ARPIN: variants seen among roughly 807,000 people sequenced by gnomAD.
The protein encoded by ARPIN is UPF0552 protein C15orf38.
ARPIN carries 23 observed loss-of-function variants against 25.9 expected under a neutral mutation model. That is an observed-to-expected ratio of 0.89 (90% CI 0.64 to 1.26). The LOEUF is 1.26. Among genes scored for constraint, ARPIN ranks in the 50% most tolerant of loss-of-function variants. The pLI is 0.00. For synonymous variants in ARPIN, 126 were observed against 131.4 expected, an observed-to-expected ratio of 0.96 and a Z score of 0.28; for missense variants, 333 against 312.2, an observed-to-expected ratio of 1.07 and a Z score of -0.50.
chr15:89,911,567 T>C (rs1897224584), intron 1 of ARPIN, among the ~76,000 whole-genome samples: 1 of 152,066 alleles, frequency 6.6e-6, no homozygotes, highest in Non-Finnish European at 1.5e-5. Context: ...ACCTAGCTGG[T>C]CTCTATCCAA....
At chr15:89,910,494 C>A (rs528041856) in intron 2 of ARPIN, among the ~76,000 whole-genome samples, 1 of 152,264 alleles carries the variant, frequency 6.6e-6, no homozygotes. Flanking sequence ...CCTTCTCAGC[C>A]ATGACCCAGG....
At chr15:89,905,851 G>A (rs1483171127) in intron 3 of ARPIN, among the ~76,000 whole-genome samples, 1 of 151,966 alleles carries the variant, frequency 6.6e-6, no homozygotes, top group East Asian at 1.9e-4. Context: ...TCGATGTGCT[G>A]CAGCCCAGTT....
intron 3 of ARPIN, among the ~76,000 whole-genome samples, chr15:89,905,774 CA>C (rs2141922345): frequency 6.6e-6 from 1 of 152,056 alleles, no homozygotes; most frequent in East Asian, 1.9e-4. Context: ...TTTCCCAAGA[CA>C]ACCTCCTGGG....
chr15:89,907,908 G>A (rs1345581990), intron 3 of ARPIN, among the ~76,000 whole-genome samples: 3 of 152,218 alleles, frequency 2.0e-5, no homozygotes, highest in South Asian at 4.1e-4. Context: ...TATATAGCAC[G>A]CACGGACTGA....
chr15:89,908,444 G>T, intron 2 of ARPIN, 32 bp from the exon 3 acceptor site: 1 of 1,612,018 alleles, frequency 6.2e-7, no homozygotes, highest in Non-Finnish European at 8.5e-7. Flanking sequence ...GTGAGGGGGC[G>T]GCTTCATCCC....
intron 3 of ARPIN, among the ~76,000 whole-genome samples, chr15:89,904,499 C>T (rs1339042154): frequency 1.3e-5 from 2 of 152,270 alleles, no homozygotes; most frequent in East Asian, 1.9e-4. Flanking sequence ...GGGTTCTCTC[C>T]AGGCTCTCAG....
At position 89,901,608 on chromosome 15, in the gene ARPIN, C is replaced by G. The variant is rs976508628; in HGVS notation, c.*187G>C. On this transcript the variant is annotated 3_prime_UTR_variant, in exon 6 of 6. Transcript: ENST00000357484. ...CCTGAGCCACAGCATGAGGCCCCAC[C>G]ACCAACACAGTGGTCATGGGTTTGG... 9.0e-6 allele frequency: 6 copies of G among 664,874 alleles called. No homozygotes were observed. The Admixed American group carries it at 1.1e-4, about 12-fold the overall frequency. 41.2% of individuals were successfully genotyped at this position (664,874 alleles called of 1,614,324 possible). A position where few individuals can be genotyped will look rare whatever the true frequency, so the allele number is the denominator to read the frequency against.
chr15:89,908,015 T>C (rs1780197327), intron 3 of ARPIN, among the ~76,000 whole-genome samples: 1 of 151,542 alleles, frequency 6.6e-6, no homozygotes, highest in Non-Finnish European at 1.5e-5. Context: ...CAAAGCCAGG[T>C]TTGTGGGTGA....
chr15:89,907,057 G>GTAGTAT (rs113415397), intron 3 of ARPIN, among the ~76,000 whole-genome samples: 2 of 149,316 alleles, frequency 1.3e-5, no homozygotes, highest in African/African-American at 4.9e-5. Flanking sequence ...CCATCAAAAA[G>GTAGTAT]TATTATTATT....
chr15:89,912,508 T>A, intron 1 of ARPIN: 1 of 1,296,842 alleles, frequency 7.7e-7, no homozygotes, highest in Non-Finnish European at 9.8e-7. Context: ...GGACCCTCTC[T>A]CGAGGGCAGG....
At chr15:89,902,754 G>C (rs1897043475) in intron 5 of ARPIN, 1 of 614,108 alleles carries the variant, frequency 1.6e-6, no homozygotes, top group African/African-American at 2.0e-5. Flanking sequence ...AATAGGCTGA[G>C]GATCAACGTG....
chr15:89,897,091 A>G lies in ARPIN; in HGVS notation c.*4704T>C, dbSNP rs1896941959. The stretch of plus-strand genomic sequence containing the variant: ...AATTAAGAGAACTATATAATTTTCA[A>G]CATTTTTGGAAACATTAATTCTGTT... On this transcript the variant is annotated 3_prime_UTR_variant, in exon 6 of 6. Transcript: ENST00000357484. 6.6e-6 allele frequency: 1 copy of G among 152,362 alleles called. No homozygotes were observed. The highest frequency in any genetic ancestry group is 6.5e-5 in the Admixed American group (1 of 15,298). 9.4% of individuals were successfully genotyped at this position (152,362 alleles called of 1,614,324 possible). A position where few individuals can be genotyped will look rare whatever the true frequency, so the allele number is the denominator to read the frequency against.
At chr15:89,908,251 G>A (rs369274164) in intron 3 of ARPIN, 29 bp downstream of exon 3, 132 of 1,613,374 alleles carry the variant, frequency 8.2e-5, no homozygotes, top group Non-Finnish European at 1.1e-4. Context: ...AGGGCCCTGA[G>A]GGAGAGAGGG....
intron 4 of ARPIN, 132 bp downstream of exon 4, chr15:89,903,645 C>A: frequency 6.9e-7 from 1 of 1,452,618 alleles, no homozygotes; most frequent in Non-Finnish European, 9.3e-7. Context: ...AGGAGTAAAT[C>A]TCAAGGGCTT....
Position 89,903,768 on chromosome 15 carries a change from A to C in ARPIN, c.508+9T>G, listed in dbSNP as rs369887484. Reference sequence around the variant, plus strand: ...AACAGTGGGCCACAGTGAGGGTTGCATTGCTCACCCAGGAAGGGACCATCG... The same window carrying C: ...AACAGTGGGCCACAGTGAGGGTTGCCTTGCTCACCCAGGAAGGGACCATCG... On this transcript the variant is annotated intron_variant, in intron 4 of 5. Coordinates refer to ENST00000357484, the MANE Select transcript of ARPIN (RefSeq NM_182616.4). 5 of 1,613,918 alleles carry C rather than the reference A, an allele frequency of 3.1e-6. No individual in the cohort carries two copies. The African/African-American group carries it at 6.7e-5, about 22-fold the overall frequency.
At chr15:89,902,975 C>T (rs1897047447) in intron 5 of ARPIN, 3 of 1,426,214 alleles carry the variant, frequency 2.1e-6, no homozygotes, top group Non-Finnish European at 2.7e-6. Context: ...CTTCCTACCA[C>T]TTGGGAATCT....
chr15:89,903,455 G>C, intron 4 of ARPIN, 76 bp from the exon 5 acceptor site: 1 of 1,591,752 alleles, frequency 6.3e-7, no homozygotes, highest in Non-Finnish European at 8.6e-7. Flanking sequence ...CATTATGGTG[G>C]GGTCCCCTAG....
intron 2 of ARPIN, among the ~76,000 whole-genome samples, chr15:89,909,956 G>C (rs1897194325): frequency 6.6e-6 from 1 of 152,210 alleles, no homozygotes; most frequent in Non-Finnish European, 1.5e-5. Flanking sequence ...CCTGACGGCA[G>C]ATGAGGCAAG....
At chr15:89,912,349 C>G in intron 1 of ARPIN, 1 of 1,012,792 alleles carries the variant, frequency 9.9e-7, no homozygotes, top group Non-Finnish European at 1.2e-6. Context: ...GTTCCCGCCA[C>G]AGCACGGCCA....
Sources: gnomAD v4.1 joint callset for allele counts (sites outside exome capture counted in the v4.1 genomes callset) on GRCh38, gnomAD v4.1.1 for gene constraint, MANE v1.5 for transcripts, NCBI Gene and HGNC (gene_info 2026-07-23, HGNC 2026-07-21) for gene names.